Variants in TF observed in about 807,000 individuals in gnomAD.
TF encodes the protein serotransferrin.
Under a neutral mutation model 82.4 loss-of-function variants are expected in TF, and 55 were observed. The ratio of observed to expected loss-of-function variants is 0.67; its 90% confidence interval spans 0.54 to 0.84. TF has a LOEUF of 0.84. Among genes scored for constraint, TF ranks in the 40% least tolerant of loss-of-function variants. The pLI, the probability that TF is intolerant of heterozygous loss-of-function variation, is 0.00. For missense variants in TF, 737 were observed against 868.4 expected (o/e 0.85, Z 1.90); for synonymous variants, 332 against 332.6 (o/e 1.00, Z 0.02).
chr3:133,735,654 C>G, the TF span, among the ~76,000 whole-genome samples: 1 of 152,044 alleles, frequency 6.6e-6, no homozygotes, highest in Admixed American at 6.6e-5. Flanking sequence ...CTTTGTGAAG[C>G]ATACACAAAT....
chr3:133,740,024 A>C, the TF span, among the ~76,000 whole-genome samples: 2 of 152,258 alleles, frequency 1.3e-5, no homozygotes, highest in African/African-American at 4.8e-5. Context: ...CTATAAAGAT[A>C]CAAGCACATG....
Position 133,784,997 on chromosome 3 carries a change from G to A in TF, c.*6377G>A, listed in dbSNP as rs1172673994. The A allele has an allele frequency of 1.3e-5, 1 of 78,332 alleles. No individual in the cohort carries two copies. Among genetic ancestry groups the A allele is most frequent in the African/African-American group, 3.4e-5 (1 of 29,038 alleles). 4.9% of individuals were successfully genotyped at this position (78,332 alleles called of 1,614,324 possible). A position where few individuals can be genotyped will look rare whatever the true frequency, so the allele number is the denominator to read the frequency against. The stretch of plus-strand genomic sequence containing the variant: ...AGCCGCCCCGTCCGGGAGGGAGGTG[G>A]GGGGGTCAGCCCCCCGCCCGGCCAG... On this transcript the variant is annotated 3_prime_UTR_variant, in exon 17 of 17. Coordinates refer to ENST00000402696, the MANE Select transcript of TF (RefSeq NM_001063.4).
intron 2 of TF, among the ~76,000 whole-genome samples, chr3:133,748,888 G>A (rs1307429296): frequency 2.0e-5 from 3 of 152,096 alleles, no homozygotes; most frequent in Non-Finnish European, 4.4e-5. Context: ...GGCTGGGCGC[G>A]GTGGCTCATG....
chr3:133,663,311 G>T, the TF span, among the ~76,000 whole-genome samples: 6 of 150,518 alleles, frequency 4.0e-5, no homozygotes, highest in Non-Finnish European at 8.8e-5. Context: ...TGATGGTCCG[G>T]AATAAAATCT....
At chr3:133,764,078 G>C (rs1576362927) in intron 9 of TF, 104 bp from the exon 10 acceptor site, 2 of 919,166 alleles carry the variant, frequency 2.2e-6, no homozygotes, top group East Asian at 4.9e-5. Context: ...CTATCTCCCT[G>C]GCATTCATGT....
intron 15 of TF, among the ~76,000 whole-genome samples, chr3:133,775,829 T>G (rs1014767797): frequency 5.8e-4 from 88 of 152,362 alleles, no homozygotes; most frequent in African/African-American, 1.8e-3. Context: ...ATCTTGGGTA[T>G]GTTACATAAC....
At chr3:133,676,897 C>T in the TF span, among the ~76,000 whole-genome samples, 33 of 152,228 alleles carry the variant, frequency 2.2e-4, 1 homozygote. Flanking sequence ...CCCATTTCAG[C>T]CTCCTCATTC....
At chr3:133,699,953 C>T in the TF span, 1 of 183,074 alleles carries the variant, frequency 5.5e-6, no homozygotes, top group Non-Finnish European at 1.1e-5. Context: ...AAGTCCTCCC[C>T]TGTCATCCCA....
rs1251239355 is a variant in TF at position 133,783,345 on chromosome 3, G to A, written c.*4725G>A. ...GATAAAGCTGGCATTATACTCGGGG[G>A]GGACAGATAGGCTACTCACTGAAGT... On this transcript the variant is annotated 3_prime_UTR_variant, in exon 17 of 17. Transcript: ENST00000402696. 6.6e-6 allele frequency: 1 copy of A among 152,150 alleles called. No homozygotes were observed. Among genetic ancestry groups the A allele is most frequent in the African/African-American group, 2.4e-5 (1 of 41,442 alleles). 9.4% of individuals were successfully genotyped at this position (152,150 alleles called of 1,614,324 possible).
chr3:133,758,319 G>T (rs1933895991), intron 8 of TF, among the ~76,000 whole-genome samples: 2 of 152,200 alleles, frequency 1.3e-5, no homozygotes, highest in Non-Finnish European at 2.9e-5. Context: ...ATAATGAAGA[G>T]GTGCTCTAAG....
At chr3:133,715,746 T>C in the TF span, among the ~76,000 whole-genome samples, 1 of 152,182 alleles carries the variant, frequency 6.6e-6, no homozygotes, top group South Asian at 2.1e-4. Flanking sequence ...TGTTTTTCAA[T>C]GATCTACAGA....
At chr3:133,749,084 C>T (rs868535073) in intron 2 of TF, among the ~76,000 whole-genome samples, 14 of 152,194 alleles carry the variant, frequency 9.2e-5, no homozygotes, top group Non-Finnish European at 1.2e-4. Flanking sequence ...TCACTTGAAC[C>T]GGGGAGGCAG....
intron 9 of TF, chr3:133,761,012 C>T (rs1457059397): frequency 1.3e-5 from 2 of 153,968 alleles, no homozygotes; most frequent in East Asian, 1.9e-4. Flanking sequence ...TGGGAAGCCA[C>T]TGACCTGTCC....
intron 9 of TF, 25 bp downstream of exon 9, chr3:133,759,354 G>A (rs778273247): frequency 2.5e-6 from 4 of 1,612,334 alleles, no homozygotes; most frequent in East Asian, 2.2e-5. Flanking sequence ...CCTTCCTAGG[G>A]CAGCGTCCCT....
At chr3:133,719,831 G>A in the TF span, among the ~76,000 whole-genome samples, 1,479 of 152,006 alleles carry the variant, frequency 9.7e-3, 24 homozygotes, top group African/African-American at 0.034. Flanking sequence ...TCACCCTCTT[G>A]ATTAAGTTTA....
At chr3:133,708,281 A>C in the TF span, among the ~76,000 whole-genome samples, 4 of 152,352 alleles carry the variant, frequency 2.6e-5, no homozygotes, top group East Asian at 7.7e-4. Flanking sequence ...ACAATATATT[A>C]TTGAGGAGGA....
chr3:133,780,056 T>C lies in TF; in HGVS notation c.*1436T>C, dbSNP rs1934484635. On this transcript the variant is annotated 3_prime_UTR_variant, in exon 17 of 17. Transcript: ENST00000402696. Reference sequence around the variant, plus strand: ...TGACTCCTAACACAGCCTCATCTTATACTCAAATACAGAAGTGCAGATAAG... The same window carrying C: ...TGACTCCTAACACAGCCTCATCTTACACTCAAATACAGAAGTGCAGATAAG... The C allele has an allele frequency of 6.6e-6, 1 of 152,200 alleles. No homozygotes were observed. The highest frequency in any genetic ancestry group is 2.4e-5 in the African/African-American group (1 of 41,452). The allele number at this position is 152,200 out of a possible 1,614,324, so 9.4% of individuals were successfully genotyped here. A position where few individuals can be genotyped will look rare whatever the true frequency, so the allele number is the denominator to read the frequency against.
chr3:133,687,082 A>G, the TF span, among the ~76,000 whole-genome samples: 18 of 152,216 alleles, frequency 1.2e-4, no homozygotes, highest in African/African-American at 4.3e-4. Flanking sequence ...ATTCTGAGCA[A>G]ACTATCGCAA....
chr3:133,722,406 T>C, the TF span, among the ~76,000 whole-genome samples: 4 of 152,132 alleles, frequency 2.6e-5, no homozygotes, highest in East Asian at 7.7e-4. Flanking sequence ...CCATTTACAT[T>C]CAAAGGCTGT....
Sources: allele counts gnomAD v4.1 joint callset (sites outside exome capture counted in the v4.1 genomes callset), GRCh38; gene constraint gnomAD v4.1.1; transcripts MANE v1.5; gene names NCBI Gene and HGNC (gene_info 2026-07-23, HGNC 2026-07-21).